DGKB: variants seen among roughly 807,000 people sequenced by gnomAD.
DGKB encodes 90 kDa diacylglycerol kinase.
DGKB carries 67 observed loss-of-function variants against 114.3 expected under a neutral mutation model. That is an observed-to-expected ratio of 0.59 (90% confidence interval 0.48 to 0.72). DGKB has a LOEUF of 0.72. Ranked by LOEUF, DGKB falls within the 30% of genes least tolerant of loss-of-function variation. The pLI is 0.00. For missense variants in DGKB, 907 were observed against 975.2 expected (o/e 0.93, Z 0.93); for synonymous variants, 398 against 323.1 (o/e 1.23, Z -2.49).
chr7:14,517,032 G>C (rs1400850991), intron 20 of DGKB, among the ~76,000 whole-genome samples: 18 of 152,028 alleles, frequency 1.2e-4, no homozygotes, highest in Admixed American at 1.2e-3. Flanking sequence ...AGCTGGAGGT[G>C]TCACATTACC....
intron 23 of DGKB, among the ~76,000 whole-genome samples, chr7:14,333,050 A>C (rs142550545): frequency 6.6e-6 from 1 of 152,288 alleles, no homozygotes; most frequent in Non-Finnish European, 1.5e-5. Flanking sequence ...AGCAGTCAAC[A>C]ACTTCATTTT....
chr7:14,951,315 G>A (rs750069251), intron 1 of DGKB, among the ~76,000 whole-genome samples: 5 of 151,932 alleles, frequency 3.3e-5, no homozygotes, highest in Non-Finnish European at 7.4e-5. Flanking sequence ...ACGGGTGAAC[G>A]GATAAACACA....
At chr7:14,943,649 CAT>C (rs60176700) in intron 1 of DGKB, among the ~76,000 whole-genome samples, 1 of 151,752 alleles carries the variant, frequency 6.6e-6, no homozygotes, top group South Asian at 2.1e-4. Flanking sequence ...CACACACACA[CAT>C]ATATATATCT....
intron 20 of DGKB, among the ~76,000 whole-genome samples, chr7:14,500,741 G>C (rs1412388539): frequency 1.3e-5 from 2 of 151,784 alleles, no homozygotes; most frequent in Admixed American, 1.3e-4. Flanking sequence ...AAGCTCAAAG[G>C]ACCTTATGGA....
intron 22 of DGKB, among the ~76,000 whole-genome samples, chr7:14,342,189 G>T (rs1195187540): frequency 1.3e-5 from 2 of 151,634 alleles, no homozygotes; most frequent in Non-Finnish European, 2.9e-5. Flanking sequence ...GGTTTCTAGG[G>T]GTATTTAATC....
intron 20 of DGKB, among the ~76,000 whole-genome samples, chr7:14,536,068 A>G (rs1435015345): frequency 2.0e-5 from 3 of 152,178 alleles, no homozygotes; most frequent in African/African-American, 7.2e-5. Flanking sequence ...AAATGAATAA[A>G]TCCATAGGAA....
chr7:14,205,797 G>A (rs192372892), intron 23 of DGKB, among the ~76,000 whole-genome samples: 12 of 151,954 alleles, frequency 7.9e-5, no homozygotes, highest in African/African-American at 2.4e-4. Flanking sequence ...AAAATCACAC[G>A]GCCAGAATGA....
intron 6 of DGKB, among the ~76,000 whole-genome samples, chr7:14,717,253 G>A (rs1263464419): frequency 2.0e-5 from 3 of 152,096 alleles, no homozygotes; most frequent in Admixed American, 6.6e-5. Flanking sequence ...ATACCATCTT[G>A]GGGAGGATGG....
At chr7:14,637,167 GA>G (rs1255029089) in intron 13 of DGKB, among the ~76,000 whole-genome samples, 4 of 151,724 alleles carry the variant, frequency 2.6e-5, no homozygotes, top group Non-Finnish European at 5.9e-5. Context: ...GTGTACAAAG[GA>G]ATACTCAGCA....
chr7:14,356,142 A>C (rs1814435362), intron 21 of DGKB, among the ~76,000 whole-genome samples: 2 of 151,816 alleles, frequency 1.3e-5, no homozygotes, highest in Non-Finnish European at 2.9e-5. Context: ...ATCATTTTTT[A>C]TTGCATCTAT....
chr7:14,523,217 TTTTC>T (rs1182298175), intron 20 of DGKB, among the ~76,000 whole-genome samples: 2 of 152,306 alleles, frequency 1.3e-5, no homozygotes, highest in African/African-American at 4.8e-5. Flanking sequence ...AAGTGAAAAC[TTTTC>T]TCGGCAGTCA....
intron 23 of DGKB, among the ~76,000 whole-genome samples, chr7:14,231,847 G>GA (rs1220888675): frequency 4.6e-5 from 7 of 151,916 alleles, no homozygotes; most frequent in African/African-American, 1.4e-4. Flanking sequence ...CATTTCTAAG[G>GA]AAAAAATACC....
At chr7:14,203,138 C>T (rs1435589054) in intron 23 of DGKB, among the ~76,000 whole-genome samples, 2 of 87,166 alleles carry the variant, frequency 2.3e-5, no homozygotes, top group Non-Finnish European at 3.9e-5. Context: ...TACTTCGGGG[C>T]CAGTATCAAA....
chr7:14,261,646 A>C (rs1796794785), intron 23 of DGKB, among the ~76,000 whole-genome samples: 1 of 151,820 alleles, frequency 6.6e-6, no homozygotes, highest in African/African-American at 2.4e-5. Context: ...TAAATATAAA[A>C]TAAGATTGAG....
intron 1 of DGKB, among the ~76,000 whole-genome samples, chr7:14,971,715 A>G (rs1428782023): frequency 6.6e-6 from 1 of 152,128 alleles, no homozygotes; most frequent in Non-Finnish European, 1.5e-5. Flanking sequence ...TTTTTTTCAA[A>G]AAGTCACAGC....
At chr7:14,232,446 A>T (rs1404459119) in intron 23 of DGKB, among the ~76,000 whole-genome samples, 1 of 150,928 alleles carries the variant, frequency 6.6e-6, no homozygotes, top group Non-Finnish European at 1.5e-5. Flanking sequence ...TACTATTATT[A>T]TTATTATTTG....
rs761497144 is a variant in DGKB, at chr7:14,685,500, C to T, written c.712-138G>A. The T allele has an allele frequency of 2.3e-4, 145 of 641,628 alleles. 1 individual carries two copies. Among genetic ancestry groups the T allele is most frequent in the South Asian group, 4.8e-4 (25 of 52,386 alleles). The allele number at this position is 641,628 out of a possible 1,614,324, so 39.7% of individuals were successfully genotyped here. On this transcript the variant is annotated intron_variant, in intron 9 of 25. Transcript: ENST00000402815. ...CATCCCTGACTTTCTCCAAGATCAC[C>T]GCAGAGCCTTTAGAAAAACACATGT...
chr7:14,231,562 C>T (rs1175290116), intron 23 of DGKB, among the ~76,000 whole-genome samples: 1 of 149,612 alleles, frequency 6.7e-6, no homozygotes, highest in Non-Finnish European at 1.5e-5. Flanking sequence ...TAAAATTATG[C>T]ATATTTTATG....
At chr7:14,852,527 GA>G in intron 1 of DGKB, among the ~76,000 whole-genome samples, 1 of 73,610 alleles carries the variant, frequency 1.4e-5, no homozygotes, top group South Asian at 5.1e-4. Flanking sequence ...ACTGGAAAAA[GA>G]AAAAGGTTCT....
Sources: gnomAD v4.1 joint callset for allele counts (sites outside exome capture counted in the v4.1 genomes callset) on GRCh38, gnomAD v4.1.1 for gene constraint, MANE v1.5 for transcripts, NCBI Gene and HGNC (gene_info 2026-07-23, HGNC 2026-07-21) for gene names.